Variants in AUTS2 observed in about 807,000 individuals in gnomAD.
AUTS2 encodes autism susceptibility gene 2 protein.
AUTS2 carries 17 observed loss-of-function variants against 112.4 expected under a neutral mutation model. That is an observed-to-expected ratio of 0.15 (90% CI 0.10 to 0.23). AUTS2 has a LOEUF of 0.23. Ranked by LOEUF, AUTS2 falls within the 10% of genes least tolerant of loss-of-function variation. The probability of loss-of-function intolerance (pLI) is 1.00; values close to 1 mark genes in which losing one functional copy is unlikely to be tolerated. For missense variants in AUTS2, 1,510 were observed against 1,701.6 expected (o/e 0.89, Z 1.98); for synonymous variants, 751 against 702.7 (o/e 1.07, Z -1.09).
At chr7:69,953,067 A>G (rs540537575) in intron 2 of AUTS2, among the ~76,000 whole-genome samples, 58 of 152,254 alleles carry the variant, frequency 3.8e-4, no homozygotes, top group Non-Finnish European at 3.4e-4. Context: ...AATTAGTGGC[A>G]TGTTCTAGAG....
intron 5 of AUTS2, among the ~76,000 whole-genome samples, chr7:70,482,259 C>T (rs1025753295): frequency 2.0e-5 from 3 of 152,242 alleles, no homozygotes; most frequent in Middle Eastern, 3.4e-3. Flanking sequence ...TCACATAAGG[C>T]CCCCATAGTC....
In AUTS2 at chr7:69,907,736, T is replaced by G. The variant is rs1795202983; in HGVS notation, c.522+8238T>G. Among the ~76,000 whole-genome samples the G allele has an allele frequency of 2.6e-5, 4 of 152,234 alleles. No individual in the cohort carries two copies. The South Asian group carries it at 8.3e-4, about 31-fold the overall frequency. On this transcript the variant is annotated intron_variant, in intron 2 of 18. Transcript: ENST00000342771. The stretch of plus-strand genomic sequence containing the variant: ...TTCTTACATATAACTTTGTTTCTTG[T>G]AAACATTTTCATATGATACAACTCT...
rs912982481 is a variant in AUTS2 at position 70,607,363 on chromosome 7, T to C, written c.691-91206T>C. 5.3e-5 allele frequency among the ~76,000 whole-genome samples: 8 copies of C among 152,176 alleles called. 1 individual carries two copies. Among genetic ancestry groups the C allele is most frequent in the Non-Finnish European group, 1.2e-4 (8 of 68,036 alleles). ...GGGCAGAATCCATTGATGGAAAGCC[T>C]ATATTTAAAAACGAACCTAGTGGAG... On this transcript the variant is annotated intron_variant, in intron 5 of 18. Coordinates refer to ENST00000342771, the MANE Select transcript of AUTS2 (RefSeq NM_015570.4).
intron 1 of AUTS2, among the ~76,000 whole-genome samples, chr7:69,768,368 C>T (rs990740445): frequency 1.3e-5 from 2 of 152,162 alleles, no homozygotes; most frequent in African/African-American, 4.8e-5. Context: ...TTACAATAAC[C>T]TAGTGGAGTA....
At chr7:70,619,560 G>C (rs1804558836) in intron 5 of AUTS2, among the ~76,000 whole-genome samples, 1 of 107,688 alleles carries the variant, frequency 9.3e-6, no homozygotes, top group Middle Eastern at 4.8e-3. Context: ...GCTGGTCAAG[G>C]TATTAAAAAA....
chr7:70,421,147 G>A (rs1003957049), intron 4 of AUTS2, among the ~76,000 whole-genome samples: 1 of 152,116 alleles, frequency 6.6e-6, no homozygotes, highest in South Asian at 2.1e-4. Flanking sequence ...AAAGGCATAA[G>A]AAGGTAGGAT....
At chr7:69,754,805 A>C (rs1787882699) in intron 1 of AUTS2, among the ~76,000 whole-genome samples, 1 of 152,174 alleles carries the variant, frequency 6.6e-6, no homozygotes, top group South Asian at 2.1e-4. Flanking sequence ...TTTTCAAATA[A>C]AGAAACTTAG....
chr7:70,655,181 C>A (rs924817533), intron 5 of AUTS2, among the ~76,000 whole-genome samples: 13 of 152,326 alleles, frequency 8.5e-5, no homozygotes, highest in Non-Finnish European at 1.5e-4. Context: ...CGGCCCCTGC[C>A]CACATGGCTT....
chr7:70,009,416 A>G (rs1370078586), intron 2 of AUTS2, among the ~76,000 whole-genome samples: 1 of 152,202 alleles, frequency 6.6e-6, no homozygotes, highest in Non-Finnish European at 1.5e-5. Flanking sequence ...TTGGTATCGA[A>G]AGGAACTATT....
At chr7:70,226,019 G>A (rs944778611) in intron 4 of AUTS2, among the ~76,000 whole-genome samples, 4 of 152,190 alleles carry the variant, frequency 2.6e-5, no homozygotes, top group African/African-American at 4.8e-5. Flanking sequence ...ATTAACCCAA[G>A]TAGGACTAAT....
chr7:70,254,567 C>T (rs959361008), intron 4 of AUTS2, among the ~76,000 whole-genome samples: 1 of 152,132 alleles, frequency 6.6e-6, no homozygotes, highest in Non-Finnish European at 1.5e-5. Flanking sequence ...CTTGCTATCC[C>T]AAACACTGTC....
intron 4 of AUTS2, among the ~76,000 whole-genome samples, chr7:70,266,014 G>A (rs1787404554): frequency 6.6e-6 from 1 of 152,174 alleles, no homozygotes; most frequent in Non-Finnish European, 1.5e-5. Flanking sequence ...CTGCAAAGCT[G>A]TATGAGGCAA....
chr7:69,871,865 G>A (rs992920681), intron 1 of AUTS2, among the ~76,000 whole-genome samples: 2 of 152,096 alleles, frequency 1.3e-5, no homozygotes, highest in African/African-American at 4.8e-5. Context: ...AGTTGACTAT[G>A]GGTGACTGAA....
In AUTS2 at chr7:70,438,489, C is replaced by T. The variant is rs568095161; in HGVS notation, c.690+2708C>T. On this transcript the variant is annotated intron_variant, in intron 5 of 18. Transcript: ENST00000342771. ...ACACCATAACCAGTGTTGACATCATCTGCCTCTGTTCTGCCCCATGCCATT... is the reference window on the plus strand; with the variant it reads ...ACACCATAACCAGTGTTGACATCATTTGCCTCTGTTCTGCCCCATGCCATT... Among the ~76,000 whole-genome samples, 4 of 152,284 alleles carry T rather than the reference C, an allele frequency of 2.6e-5. No homozygotes were observed. In the South Asian group the frequency reaches 8.3e-4, roughly 32 times the overall value.
In AUTS2 at chr7:69,598,525, G is replaced by T; in HGVS notation, c.-1129G>T. ...CCCGGGGACACGCCGTGCACCCTCCGGCTCGGGGCTTTCTCGGCGGCGGCG... is the reference window on the plus strand; with the variant it reads ...CCCGGGGACACGCCGTGCACCCTCCTGCTCGGGGCTTTCTCGGCGGCGGCG... On this transcript the variant is annotated 5_prime_UTR_variant, in exon 1 of 19. Transcript: ENST00000342771. 5.9e-6 allele frequency: 1 copy of T among 168,190 alleles called. No homozygotes were observed. The highest frequency in any genetic ancestry group is 1.3e-5 in the Non-Finnish European group (1 of 79,766). 10.4% of individuals were successfully genotyped at this position (168,190 alleles called of 1,614,324 possible).
chr7:70,163,982 A>G (rs1689211935), intron 4 of AUTS2, among the ~76,000 whole-genome samples: 1 of 152,206 alleles, frequency 6.6e-6, no homozygotes, highest in Non-Finnish European at 1.5e-5. Flanking sequence ...CTTGCAGTCT[A>G]CTGCTAGAGG....
intron 6 of AUTS2, among the ~76,000 whole-genome samples, chr7:70,752,922 T>C (rs931524786): frequency 6.6e-6 from 1 of 152,158 alleles, no homozygotes; most frequent in Admixed American, 6.5e-5. Flanking sequence ...AAAGCCATGA[T>C]TCAGAGAACC....
chr7:69,724,532 AAC>A (rs1485657246), intron 1 of AUTS2, among the ~76,000 whole-genome samples: 1 of 152,196 alleles, frequency 6.6e-6, no homozygotes, highest in Non-Finnish European at 1.5e-5. Context: ...GAGAAATGAA[AAC>A]ACTGCACTTT....
chr7:70,616,532 T>G (rs1447763485), intron 5 of AUTS2, among the ~76,000 whole-genome samples: 2 of 152,194 alleles, frequency 1.3e-5, no homozygotes, highest in African/African-American at 4.8e-5. Context: ...TGGGATTATC[T>G]GATGCTCCAA....
Sources: gnomAD v4.1 joint callset for allele counts (sites outside exome capture counted in the v4.1 genomes callset) on GRCh38, gnomAD v4.1.1 for gene constraint, MANE v1.5 for transcripts, NCBI Gene and HGNC (gene_info 2026-07-23, HGNC 2026-07-21) for gene names.